The following GSE1 variants were observed in gnomAD, a reference collection of about 807,000 sequenced individuals.
GSE1 encodes Gse1 coiled-coil protein.
In GSE1, 32 loss-of-function variants were observed where a neutral mutation model predicts 112.6. The observed-to-expected ratio is 0.28, with a 90% confidence interval of 0.21 to 0.38. The LOEUF is 0.38. Among genes scored for constraint, GSE1 ranks in the 10% least tolerant of loss-of-function variants. GSE1 has a pLI of 1.00. For missense variants in GSE1, 2,348 were observed against 1,699.2 expected, an observed-to-expected ratio of 1.38 and a Z score of -6.71; for synonymous variants, 1,115 against 735.6, an observed-to-expected ratio of 1.52 and a Z score of -8.35.
chr16:85,483,295 C>A (rs1279907250), intron 2 of GSE1, among the ~76,000 whole-genome samples: 1 of 152,266 alleles, frequency 6.6e-6, no homozygotes, highest in East Asian at 1.9e-4. Context: ...CTGTTCCCTG[C>A]CTGGGTGGGT....
chr16:85,419,028 T>C lies in GSE1; in HGVS notation c.2464+61385T>C, dbSNP rs1195220914. 8.5e-5 allele frequency among the ~76,000 whole-genome samples: 13 copies of C among 152,060 alleles called. No individual in the cohort carries two copies. Among genetic ancestry groups the C allele is most frequent in the Admixed American group, 8.5e-4 (13 of 15,268 alleles). ...ATGTGAGAGCTGCCGTGAGACACTG[T>C]GCGGAGATCCAACTGGCAGTTGGAT... On this transcript the variant is annotated intron_variant, in intron 2 of 2. Coordinates refer to the GSE1 transcript ENST00000637419. This position sits in a 1 kb window ranked among gnomAD's most constrained non-coding sequence, Gnocchi z 6.5.
At chr16:85,222,486 C>T (rs1379404714) in intron 1 of GSE1, among the ~76,000 whole-genome samples, 2 of 152,210 alleles carry the variant, frequency 1.3e-5, no homozygotes, top group African/African-American at 2.4e-5. Flanking sequence ...ACGTGCCTGA[C>T]GGTTCACACC....
At chr16:85,240,092 C>A (rs1905054481) in intron 1 of GSE1, among the ~76,000 whole-genome samples, 1 of 152,264 alleles carries the variant, frequency 6.6e-6, no homozygotes, top group Admixed American at 6.5e-5. Flanking sequence ...GTTACTGAAT[C>A]TCTCTGAGCC....
In GSE1 at chr16:85,558,647, C is replaced by T. The variant is rs1012384254; in HGVS notation, c.37+2284C>T. On this transcript the variant is annotated intron_variant, in intron 1 of 2. Coordinates refer to the GSE1 transcript ENST00000635906. Reference sequence around the variant, plus strand: ...GGTCAGAAGTGAGGGGAGGGGAGGTCGGGGCACAAGTAAATCTCAGCCTGT... The same window carrying T: ...GGTCAGAAGTGAGGGGAGGGGAGGTTGGGGCACAAGTAAATCTCAGCCTGT... Among the ~76,000 whole-genome samples the T allele has an allele frequency of 2.6e-5, 4 of 152,070 alleles. 1 individual carries two copies. Among genetic ancestry groups the T allele is most frequent in the Admixed American group, 2.6e-4 (4 of 15,262 alleles).
chr16:85,584,283 T>G (rs987561697), intron 1 of GSE1, among the ~76,000 whole-genome samples: 1 of 152,120 alleles, frequency 6.6e-6, no homozygotes, highest in Non-Finnish European at 1.5e-5. Context: ...GCCTCCCAGC[T>G]GAGAACTGGC....
intron 2 of GSE1, among the ~76,000 whole-genome samples, chr16:85,371,831 C>G (rs1597511958): frequency 6.6e-6 from 1 of 152,212 alleles, no homozygotes; most frequent in Non-Finnish European, 1.5e-5. Flanking sequence ...CTCAGTAGTC[C>G]CGGATGGTGC....
intron 14 of GSE1, chr16:85,670,632 T>C (rs746818587): frequency 1.3e-5 from 2 of 157,648 alleles, no homozygotes; most frequent in Non-Finnish European, 2.8e-5. Flanking sequence ...ATTTTATTAA[T>C]TAAATCTGTG....
intron 1 of GSE1, among the ~76,000 whole-genome samples, chr16:85,303,575 G>GT (rs1325827449): frequency 1.3e-5 from 2 of 152,218 alleles, no homozygotes; most frequent in African/African-American, 2.4e-5. Flanking sequence ...AGGTTCTATT[G>GT]TGACTCCCAT....
At chr16:85,641,618 G>C (rs920190661) in intron 2 of GSE1, among the ~76,000 whole-genome samples, 5 of 152,270 alleles carry the variant, frequency 3.3e-5, no homozygotes, top group Admixed American at 6.5e-5. Flanking sequence ...GTGTACCAGG[G>C]CTGCGGTGAC....
At chr16:85,372,401 C>T (rs1162879524) in intron 2 of GSE1, among the ~76,000 whole-genome samples, 1 of 149,296 alleles carries the variant, frequency 6.7e-6, no homozygotes, top group Non-Finnish European at 1.5e-5. Flanking sequence ...CTCACCTTAG[C>T]CTGGGAGGTT....
chr16:85,642,810 T>TGGG (rs2050551221), intron 2 of GSE1, among the ~76,000 whole-genome samples: 1 of 152,166 alleles, frequency 6.6e-6, no homozygotes, highest in Admixed American at 6.5e-5. Context: ...CGAGCTCGGC[T>TGGG]GGGGAGTCTT....
At chr16:85,644,082 CTG>C (rs1242038675) in intron 2 of GSE1, among the ~76,000 whole-genome samples, 1 of 152,280 alleles carries the variant, frequency 6.6e-6, no homozygotes, top group South Asian at 2.1e-4. Context: ...AATCCCAGCA[CTG>C]TGGGCAACTG....
chr16:85,417,847 CT>C lies in GSE1; in HGVS notation c.2464+60209del, dbSNP rs2048738293. On this transcript the variant is annotated intron_variant, in intron 2 of 2. Transcript: ENST00000637419. The stretch of plus-strand genomic sequence containing the variant: ...GGGCTGAAGGCTGCATTTCTTTTTT[CT>C]TTTTCTTTTGAGATGGAGTCTCACT... Among the ~76,000 whole-genome samples, 6 of 152,232 alleles carry C rather than the reference CT, an allele frequency of 3.9e-5. No individual in the cohort carries two copies. The South Asian group carries it at 1.2e-3, about 32-fold the overall frequency.
intron 2 of GSE1, among the ~76,000 whole-genome samples, chr16:85,639,648 C>T (rs1045256026): frequency 6.6e-6 from 1 of 152,254 alleles, no homozygotes; most frequent in Non-Finnish European, 1.5e-5. Context: ...CTTCCAGCTC[C>T]CCAGCTCCAC....
chr16:85,245,445 C>T (rs1488871859), intron 1 of GSE1, among the ~76,000 whole-genome samples: 4 of 152,188 alleles, frequency 2.6e-5, no homozygotes, highest in Non-Finnish European at 4.4e-5. Context: ...CTGCCTGACA[C>T]ATACCCATTC....
At position 85,311,196 on chromosome 16, in the gene GSE1, C is replaced by T. The variant is rs1231097019; in HGVS notation, c.2284-46267C>T. ...GATGCCCCTGGTTCCCAGGGTGCCCCCAGCAGAAGAGCTGAGACTTGAATC... is the reference window on the plus strand; with the variant it reads ...GATGCCCCTGGTTCCCAGGGTGCCCTCAGCAGAAGAGCTGAGACTTGAATC... On this transcript the variant is annotated intron_variant, in intron 1 of 2. Coordinates refer to the GSE1 transcript ENST00000637419. The surrounding 1 kb of genome is among the most constrained non-coding windows in gnomAD (Gnocchi z 4.2). Among the ~76,000 whole-genome samples, 2 of 152,128 alleles carry T rather than the reference C, an allele frequency of 1.3e-5. No homozygotes were observed. The highest frequency in any genetic ancestry group is 4.8e-5 in the African/African-American group (2 of 41,430).
chr16:85,213,956 C>T (rs911987357), intron 1 of GSE1, among the ~76,000 whole-genome samples: 1 of 152,170 alleles, frequency 6.6e-6, no homozygotes, highest in African/African-American at 2.4e-5. Context: ...GTGACTGCTT[C>T]CATGAGACAG....
At chr16:85,359,712 C>A (rs1322200373) in intron 2 of GSE1, among the ~76,000 whole-genome samples, 1 of 152,244 alleles carries the variant, frequency 6.6e-6, no homozygotes, top group Non-Finnish European at 1.5e-5. Context: ...TCTGCCTCCA[C>A]TCACACAGTA....
chr16:85,420,012 G>A (rs1259622800), intron 2 of GSE1, among the ~76,000 whole-genome samples: 2 of 152,188 alleles, frequency 1.3e-5, no homozygotes, highest in Non-Finnish European at 2.9e-5. Flanking sequence ...CTTGACATCG[G>A]GGCCAGGGAT....
Sources: allele counts gnomAD v4.1 joint callset (sites outside exome capture counted in the v4.1 genomes callset), GRCh38; gene constraint gnomAD v4.1.1; non-coding constraint Gnocchi (gnomAD v3.1); transcripts MANE v1.5; gene names NCBI Gene and HGNC (gene_info 2026-07-23, HGNC 2026-07-21).